SLC45A4: variants seen among roughly 807,000 people sequenced by gnomAD.
The protein encoded by SLC45A4 is polyamine-transporter SLC45A4.
SLC45A4 carries 32 observed loss-of-function variants against 63.7 expected under a neutral mutation model. The ratio of observed to expected loss-of-function variants is 0.50; its 90% CI spans 0.38 to 0.67. The LOEUF (loss-of-function observed/expected upper bound fraction) is 0.67. SLC45A4 is among the 30% of genes least tolerant of loss of function. The probability of loss-of-function intolerance (pLI) is 0.00; values close to 1 mark genes in which losing one functional copy is unlikely to be tolerated. For missense variants in SLC45A4, 1,027 were observed against 1,157.7 expected (o/e 0.89, Z 1.64); for synonymous variants, 535 against 510.0 (o/e 1.05, Z -0.66).
intron 1 of SLC45A4, among the ~76,000 whole-genome samples, chr8:141,280,929 G>A (rs1319071734): frequency 1.3e-5 from 2 of 152,232 alleles, no homozygotes; most frequent in African/African-American, 2.4e-5. Flanking sequence ...CGGGCTGTGC[G>A]TCCTACACCA....
intron 3 of SLC45A4, among the ~76,000 whole-genome samples, chr8:141,220,116 G>A (rs1332701361): frequency 2.0e-5 from 3 of 152,334 alleles, no homozygotes; most frequent in African/African-American, 7.2e-5. Context: ...GAAAGGGGAA[G>A]AATAGACCTT....
chr8:141,285,535 A>C (rs1830106269), intron 1 of SLC45A4, among the ~76,000 whole-genome samples: 1 of 152,238 alleles, frequency 6.6e-6, no homozygotes, highest in Non-Finnish European at 1.5e-5. Context: ...GCACACGAGC[A>C]GTCAGCCTCC....
In SLC45A4 at chr8:141,254,670, C is replaced by T. The variant is rs763781367; in HGVS notation, c.-400-41G>A. On this transcript the variant is annotated intron_variant, in intron 1 of 8. Coordinates refer to ENST00000517878, the MANE Select transcript of SLC45A4 (RefSeq NM_001286646.2). The surrounding 1 kb of genome is among the most constrained non-coding windows in gnomAD (Gnocchi z 4.5). ...ACAACCCGGCCAGAGAGTCAGGGGA[C>T]GGCCACCAGATGGCCCTGTGGACCG... 62 of 695,676 alleles carry T rather than the reference C, an allele frequency of 8.9e-5. No homozygotes were observed. In the Middle Eastern group the frequency reaches 9.2e-4, roughly 10 times the overall value. 43.1% of individuals were successfully genotyped at this position (695,676 alleles called of 1,614,324 possible).
intron 4 of SLC45A4, 50 bp downstream of exon 4, chr8:141,219,600 G>A: frequency 6.4e-7 from 1 of 1,555,754 alleles, no homozygotes; most frequent in Non-Finnish European, 8.7e-7. Context: ...CCCACACCAG[G>A]CCCGGGCACG....
intron 3 of SLC45A4, among the ~76,000 whole-genome samples, chr8:141,221,269 G>T (rs1192317847): frequency 6.6e-6 from 1 of 152,162 alleles, no homozygotes; most frequent in Admixed American, 6.5e-5. Context: ...AAGAAAAGGA[G>T]AACAAAAAAA....
chr8:141,230,249 C>G (rs1827272884), intron 2 of SLC45A4: 4 of 390,632 alleles, frequency 1.0e-5, no homozygotes, highest in African/African-American at 6.3e-5. Flanking sequence ...AGGGCTGGGC[C>G]CTGGAGGTCT....
At chr8:141,243,157 A>G (rs12677785) in intron 2 of SLC45A4, among the ~76,000 whole-genome samples, 58,180 of 152,100 alleles carry the variant, frequency 0.38, 11,610 homozygotes, top group East Asian at 0.68. Flanking sequence ...CCACCGGGCC[A>G]CCAGAAAGTC....
At position 141,207,819 on chromosome 8, in the gene SLC45A4, TGAG is replaced by T. The variant is rs915126186; in HGVS notation, c.*3750_*3752del. The stretch of plus-strand genomic sequence containing the variant: ...CCGGAGGGTGATGGCTGGCTTTGCA[TGAG>T]GAGGTGACAAGAACTTTGGGCTGGG... On this transcript the variant is annotated 3_prime_UTR_variant, in exon 9 of 9. Coordinates refer to ENST00000517878, the MANE Select transcript of SLC45A4 (RefSeq NM_001286646.2). 1.3e-5 allele frequency: 2 copies of T among 152,388 alleles called. No homozygotes were observed. Among genetic ancestry groups the T allele is most frequent in the African/African-American group, 4.8e-5 (2 of 41,426 alleles). 9.4% of individuals were successfully genotyped at this position (152,388 alleles called of 1,614,324 possible).
At chr8:141,255,618 A>G (rs1050344220) in intron 1 of SLC45A4, among the ~76,000 whole-genome samples, 2 of 152,206 alleles carry the variant, frequency 1.3e-5, no homozygotes, top group Non-Finnish European at 2.9e-5. Context: ...CAGGAGGGTG[A>G]GGCAGGAGAA....
At chr8:141,292,876 C>T in intron 1 of SLC45A4, 1 of 152,266 alleles carries the variant, frequency 6.6e-6, no homozygotes, top group Non-Finnish European at 1.5e-5. Context: ...GTTAACAAAT[C>T]AAGACTAGAA....
At chr8:141,251,511 G>GT (rs1455345778) in intron 2 of SLC45A4, among the ~76,000 whole-genome samples, 1 of 151,772 alleles carries the variant, frequency 6.6e-6, no homozygotes, top group Non-Finnish European at 1.5e-5. Context: ...CGTGCCCTAG[G>GT]ATATGATAGG....
At chr8:141,267,470 C>T (rs1829319386) in intron 1 of SLC45A4, among the ~76,000 whole-genome samples, 1 of 152,212 alleles carries the variant, frequency 6.6e-6, no homozygotes, top group Admixed American at 6.5e-5. Context: ...CGGACAGTGC[C>T]AGGGAATTGC....
chr8:141,273,412 G>A (rs1020219899), intron 1 of SLC45A4, among the ~76,000 whole-genome samples: 2 of 152,198 alleles, frequency 1.3e-5, no homozygotes, highest in Non-Finnish European at 2.9e-5. Context: ...TCAAGCGCCA[G>A]TATCAACCTG....
intron 1 of SLC45A4, among the ~76,000 whole-genome samples, chr8:141,296,462 G>A (rs1162954742): frequency 1.4e-5 from 2 of 142,370 alleles, no homozygotes; most frequent in Non-Finnish European, 3.0e-5. Context: ...TTGCACTGCT[G>A]CACTCCAGCC....
At chr8:141,257,153 G>C (rs1828835068) in intron 1 of SLC45A4, among the ~76,000 whole-genome samples, 1 of 152,132 alleles carries the variant, frequency 6.6e-6, no homozygotes, top group Non-Finnish European at 1.5e-5. Context: ...CACCCAGCCA[G>C]AACTATTTCT....
chr8:141,287,450 C>T lies in SLC45A4; in HGVS notation c.-401+20646G>A, dbSNP rs544330547. ...CGCAGACTGTGCCCCTGCCACAGACCGGCCTTCTCCCCAAAGTCCCTCGTT... is the reference window on the plus strand; with the variant it reads ...CGCAGACTGTGCCCCTGCCACAGACTGGCCTTCTCCCCAAAGTCCCTCGTT... On this transcript the variant is annotated intron_variant, in intron 1 of 8. Transcript: ENST00000517878. Among the ~76,000 whole-genome samples the T allele has an allele frequency of 7.9e-5, 12 of 152,264 alleles. No homozygotes were observed. The South Asian group carries it at 1.0e-3, about 13-fold the overall frequency.
At chr8:141,272,250 A>G (rs1429785668) in intron 1 of SLC45A4, among the ~76,000 whole-genome samples, 1 of 152,248 alleles carries the variant, frequency 6.6e-6, no homozygotes, top group Non-Finnish European at 1.5e-5. Context: ...ATGATTATGA[A>G]GCCTGCTGAC....
intron 2 of SLC45A4, chr8:141,228,034 C>T (rs1827122353): frequency 1.0e-6 from 1 of 962,880 alleles, no homozygotes; most frequent in East Asian, 2.5e-5. Flanking sequence ...GACCCAGCGC[C>T]TCATTTCTAG....
intron 2 of SLC45A4, among the ~76,000 whole-genome samples, chr8:141,251,183 AT>A (rs1333165683): frequency 6.6e-6 from 1 of 152,196 alleles, no homozygotes; most frequent in Non-Finnish European, 1.5e-5. Context: ...TGCTTTCATG[AT>A]TAGCTCGGTG....
Sources: gnomAD v4.1 joint callset for allele counts (sites outside exome capture counted in the v4.1 genomes callset) on GRCh38, gnomAD v4.1.1 for gene constraint, Gnocchi (gnomAD v3.1) non-coding constraint, MANE v1.5 for transcripts, NCBI Gene and HGNC (gene_info 2026-07-23, HGNC 2026-07-21) for gene names.